Variants in SNAPC5 observed in about 807,000 individuals in gnomAD.
SNAPC5 encodes snRNA-activating protein complex subunit 5.
A neutral mutation model predicts 9.1 loss-of-function variants in SNAPC5; 12 were observed. The observed-to-expected ratio is 1.32, with a 90% CI of 0.85 to 2.15. SNAPC5 has a LOEUF of 2.15. Ranked by LOEUF, SNAPC5 falls within the 30% of genes most tolerant of loss-of-function variation. The probability of loss-of-function intolerance (pLI) is 0.00; values close to 1 mark genes in which losing one functional copy is unlikely to be tolerated. For synonymous variants in SNAPC5, 52 were observed against 47.3 expected (o/e 1.10, Z -0.41); for missense variants, 132 against 114.4 (o/e 1.15, Z -0.70).
At position 66,497,761 on chromosome 15, in the gene SNAPC5, C is replaced by A. The variant is rs369903330; in HGVS notation, c.-30G>T. On this transcript the variant is annotated 5_prime_UTR_variant, in exon 1 of 3. Coordinates refer to ENST00000316634, the MANE Select transcript of SNAPC5 (RefSeq NM_001329615.2). ...CCTGGTCACATAGCCAACCTCCGGGCTGCTGTCGGCCCGGCACTCGGTGAT... is the reference window on the plus strand; with the variant it reads ...CCTGGTCACATAGCCAACCTCCGGGATGCTGTCGGCCCGGCACTCGGTGAT... The A allele has an allele frequency of 4.6e-5, 72 of 1,574,378 alleles. 1 individual carries two copies. Among genetic ancestry groups the A allele is most frequent in the Middle Eastern group, 2.2e-4 (1 of 4,456 alleles).
At chr15:66,492,293 C>T (rs1459626823), downstream of SNAPC5, 1 of 255,938 alleles carries the variant, frequency 3.9e-6, no homozygotes, top group East Asian at 1.2e-4. Context: ...ATAAAAGGCC[C>T]ATTCCTTTTT....
downstream of SNAPC5, chr15:66,489,845 G>C (rs1327463326): frequency 8.3e-7 from 1 of 1,207,390 alleles, no homozygotes; most frequent in African/African-American, 1.5e-5. Flanking sequence ...AGTACTTCCA[G>C]AGCCCATTCA....
At chr15:66,490,521 G>C (rs1423712737), downstream of SNAPC5, 2 of 1,613,780 alleles carry the variant, frequency 1.2e-6, no homozygotes, top group Admixed American at 1.7e-5. Flanking sequence ...TTTATCAAGA[G>C]ATCTGATGCT....
downstream of SNAPC5, among the ~76,000 whole-genome samples, chr15:66,492,656 T>G (rs187993923): frequency 4.8e-4 from 73 of 152,292 alleles, no homozygotes; most frequent in East Asian, 7.7e-4. Context: ...ATCTGACCAC[T>G]TTCATGCTCA....
downstream of SNAPC5, chr15:66,490,786 T>G (rs1567028700): frequency 1.4e-6 from 1 of 693,628 alleles, no homozygotes; most frequent in Non-Finnish European, 2.6e-6. Flanking sequence ...TATTACTGTC[T>G]TTATTCTTAT....
At chr15:66,495,537 T>G in intron 1 of SNAPC5, 118 bp from the exon 2 acceptor site, 4 of 670,390 alleles carry the variant, frequency 6.0e-6, no homozygotes, top group East Asian at 2.7e-5. Flanking sequence ...AAACTATCTC[T>G]GTGTTGCTCT....
chr15:66,491,954 A>G, downstream of SNAPC5: 1 of 456,474 alleles, frequency 2.2e-6, no homozygotes, highest in Non-Finnish European at 4.4e-6. Flanking sequence ...CTGCACTTTT[A>G]GGCTGTCATG....
At chr15:66,489,817 T>C, downstream of SNAPC5, 1 of 1,444,458 alleles carries the variant, frequency 6.9e-7, no homozygotes, top group South Asian at 1.1e-5. Flanking sequence ...TTTGTTCTTC[T>C]CTGTCAGTCA....
downstream of SNAPC5, chr15:66,489,782 G>A (rs188235318): frequency 5.4e-5 from 86 of 1,600,234 alleles, no homozygotes; most frequent in African/African-American, 8.4e-4. Context: ...ATTTATTCCG[G>A]ATTCTTACAG....
chr15:66,490,842 AT>A (rs1230847663), downstream of SNAPC5: 2 of 605,818 alleles, frequency 3.3e-6, no homozygotes, highest in Non-Finnish European at 6.1e-6. Context: ...GCTTGGGGCT[AT>A]TTGTGTGTAT....
chr15:66,497,294 G>A (rs1056364007), intron 1 of SNAPC5, among the ~76,000 whole-genome samples: 2 of 152,154 alleles, frequency 1.3e-5, no homozygotes, highest in African/African-American at 4.8e-5. Context: ...GTGGCCAGAG[G>A]GGTCTAGGCG....
downstream of SNAPC5, chr15:66,490,441 TG>T: frequency 8.2e-7 from 1 of 1,219,676 alleles, no homozygotes; most frequent in African/African-American, 1.5e-5. Context: ...TTTTCCTTCC[TG>T]GTGGGTTTTG....
chr15:66,496,161 T>C (rs1893426361), intron 1 of SNAPC5, among the ~76,000 whole-genome samples: 1 of 149,290 alleles, frequency 6.7e-6, no homozygotes, highest in African/African-American at 2.5e-5. Flanking sequence ...TCACCTCATA[T>C]GGACTTAAAG....
intron 1 of SNAPC5, chr15:66,497,413 C>A: frequency 3.3e-6 from 2 of 606,572 alleles, no homozygotes; most frequent in Non-Finnish European, 5.9e-6. Context: ...TGAGCCTCAC[C>A]CTAGACTTGC....
chr15:66,493,988 T>A lies in SNAPC5; in HGVS notation c.*448A>T, dbSNP rs1190296508. 2 of 155,588 alleles carry A rather than the reference T, an allele frequency of 1.3e-5. No homozygotes were observed. Among genetic ancestry groups the A allele is most frequent in the Non-Finnish European group, 2.8e-5 (2 of 70,190 alleles). The allele number at this position is 155,588 out of a possible 1,614,324, so 9.6% of individuals were successfully genotyped here. On this transcript the variant is annotated 3_prime_UTR_variant, in exon 3 of 3. Coordinates refer to ENST00000316634, the MANE Select transcript of SNAPC5 (RefSeq NM_001329615.2). The stretch of plus-strand genomic sequence containing the variant: ...GCCCTCAGTCCTTCCCCTTGTCATC[T>A]TTCTGTCCTAGACTGTGTCCTAACT...
Position 66,493,848 on chromosome 15 carries a change from A to AT in SNAPC5, c.*587dup, listed in dbSNP as rs1457218470. The AT allele has an allele frequency of 2.0e-5, 3 of 152,112 alleles. No homozygotes were observed. Among genetic ancestry groups the AT allele is most frequent in the Non-Finnish European group, 4.4e-5 (3 of 68,038 alleles). The allele number at this position is 152,112 out of a possible 1,614,324, so 9.4% of individuals were successfully genotyped here. On this transcript the variant is annotated 3_prime_UTR_variant, in exon 3 of 3. Coordinates refer to ENST00000316634, the MANE Select transcript of SNAPC5 (RefSeq NM_001329615.2). ...CTACTTATAAATTTATTTATAAAAC[A>AT]TTTTACCAGTGAGTGATGTCTCAAG... is the stretch of plus-strand genomic sequence containing the variant.
chr15:66,495,483 C>T lies in SNAPC5; in HGVS notation c.91-64G>A, dbSNP rs60178804. 0.019 allele frequency: 16,255 copies of T among 864,006 alleles called. 1,735 individuals are homozygous for T. In the African/African-American group the frequency reaches 0.23, roughly 12 times the overall value. 53.5% of individuals were successfully genotyped at this position (864,006 alleles called of 1,614,324 possible). On this transcript the variant is annotated intron_variant, in intron 1 of 2. Transcript: ENST00000316634. ...TCACTGGACTACTGATGTGGGTAAA[C>T]TGCTGGGCACACTATGAAACATTTG... is the stretch of plus-strand genomic sequence containing the variant.
chr15:66,495,509 C>T lies in SNAPC5; in HGVS notation c.91-90G>A, dbSNP rs977002339. On this transcript the variant is annotated intron_variant, in intron 1 of 2. Transcript: ENST00000316634. ...TGCTGGGCACACTATGAAACATTTG[C>T]ATCAAGAGAGGGAATGAAAACTATC... The T allele has an allele frequency of 4.6e-5, 35 of 760,440 alleles. No homozygotes were observed. In the African/African-American group the frequency reaches 5.3e-4, roughly 12 times the overall value. 47.1% of individuals were successfully genotyped at this position (760,440 alleles called of 1,614,324 possible).
chr15:66,492,215 C>A (rs1041137396), downstream of SNAPC5: 10 of 302,798 alleles, frequency 3.3e-5, no homozygotes, highest in Non-Finnish European at 2.0e-5. Flanking sequence ...CTGGTCAATA[C>A]CTCTCCGCTC....
Sources: allele counts gnomAD v4.1 joint callset (sites outside exome capture counted in the v4.1 genomes callset), GRCh38; gene constraint gnomAD v4.1.1; transcripts MANE v1.5; gene names NCBI Gene and HGNC (gene_info 2026-07-23, HGNC 2026-07-21).